Variants in PLXNA4 observed in about 807,000 individuals in gnomAD.
PLXNA4 encodes plexin-A4.
PLXNA4 carries 44 observed loss-of-function variants against 191.8 expected under a neutral mutation model. That is an observed-to-expected ratio of 0.23 (90% CI 0.18 to 0.29). PLXNA4 has a LOEUF of 0.29. PLXNA4 is among the 10% of genes least tolerant of loss of function. The pLI is 1.00. For synonymous variants in PLXNA4, 1,082 were observed against 1,009.5 expected, an observed-to-expected ratio of 1.07 and a Z score of -1.36; for missense variants, 1,800 against 2,488.8, an observed-to-expected ratio of 0.72 and a Z score of 5.89.
intron 3 of PLXNA4, among the ~76,000 whole-genome samples, chr7:132,362,114 C>T (rs1327614721): frequency 6.6e-6 from 1 of 152,146 alleles, no homozygotes; most frequent in Non-Finnish European, 1.5e-5. Flanking sequence ...CCTCTCCCCT[C>T]CCCTGGGCCC....
At chr7:132,211,254 C>T in intron 9 of PLXNA4, 111 bp from the exon 10 acceptor site, 1 of 1,171,582 alleles carries the variant, frequency 8.5e-7, no homozygotes, top group Admixed American at 2.2e-5. Context: ...TGGACACACC[C>T]ACAGGCGACC....
chr7:132,464,534 C>A (rs141852908), intron 3 of PLXNA4, among the ~76,000 whole-genome samples: 3 of 152,020 alleles, frequency 2.0e-5, no homozygotes, highest in Non-Finnish European at 2.9e-5. Flanking sequence ...GGGTGTGCAT[C>A]GAAATACAGT....
chr7:132,508,834 C>G lies in PLXNA4; in HGVS notation c.-86-55G>C, dbSNP rs796883448. 1 of 1,398,502 alleles carries G rather than the reference C, an allele frequency of 7.2e-7. No homozygotes were observed. The highest frequency in any genetic ancestry group is 9.4e-7 in the Non-Finnish European group (1 of 1,067,580). 86.6% of individuals were successfully genotyped at this position (1,398,502 alleles called of 1,614,324 possible). A position where few individuals can be genotyped will look rare whatever the true frequency, so the allele number is the denominator to read the frequency against. On this transcript the variant is annotated intron_variant, in intron 1 of 31. Coordinates refer to ENST00000321063, the MANE Select transcript of PLXNA4 (RefSeq NM_020911.2). The surrounding 1 kb of genome is among the most constrained non-coding windows in gnomAD (Gnocchi z 4.4). ...AACAATGCCAGTGGCTTCATTTCAC[C>G]CCACAGCTTGTCTGCCTGGACTTTC...
intron 5 of PLXNA4, among the ~76,000 whole-genome samples, chr7:132,234,152 G>A (rs901060016): frequency 5.9e-5 from 9 of 152,148 alleles, no homozygotes; most frequent in African/African-American, 2.2e-4. Context: ...CATCGCCACA[G>A]GTGAATCCAT....
chr7:132,412,290 T>A (rs1466700697), intron 3 of PLXNA4, among the ~76,000 whole-genome samples: 1 of 152,246 alleles, frequency 6.6e-6, no homozygotes, highest in Non-Finnish European at 1.5e-5. Context: ...ATCTGTTGAA[T>A]GAATGAATGA....
At chr7:132,402,558 C>A (rs1794035458) in intron 3 of PLXNA4, among the ~76,000 whole-genome samples, 1 of 152,158 alleles carries the variant, frequency 6.6e-6, no homozygotes, top group Non-Finnish European at 1.5e-5. Flanking sequence ...ATGGGAGGGG[C>A]AGCTGGCTAA....
At chr7:132,534,844 T>G (rs1799767762) in intron 1 of PLXNA4, among the ~76,000 whole-genome samples, 1 of 152,232 alleles carries the variant, frequency 6.6e-6, no homozygotes, top group African/African-American at 2.4e-5. Flanking sequence ...GGCACCATGA[T>G]GCTGAGGCTG....
At chr7:132,555,655 A>G (rs1800772112) in intron 1 of PLXNA4, among the ~76,000 whole-genome samples, 1 of 152,262 alleles carries the variant, frequency 6.6e-6, no homozygotes, top group African/African-American at 2.4e-5. Flanking sequence ...CAGAGAAGAC[A>G]GGTAACATGC....
chr7:132,290,063 GTCCGCA>G (rs1563015066), intron 4 of PLXNA4, among the ~76,000 whole-genome samples: 1 of 152,144 alleles, frequency 6.6e-6, no homozygotes, highest in Admixed American at 6.5e-5. Context: ...CCCCACAGGC[GTCCGCA>G]TCCTGCTTTA....
At chr7:132,588,766 G>T (rs562066429) in intron 2 of PLXNA4, among the ~76,000 whole-genome samples, 11 of 140,268 alleles carry the variant, frequency 7.8e-5, no homozygotes. Context: ...GAGAGAAAAA[G>T]AAAGAAAGAG....
chr7:132,555,777 G>A (rs972776877), intron 1 of PLXNA4, among the ~76,000 whole-genome samples: 1 of 152,224 alleles, frequency 6.6e-6, no homozygotes, highest in Non-Finnish European at 1.5e-5. Context: ...CTTACCCAAG[G>A]ATGGTTAGTC....
chr7:132,595,259 T>C (rs911037492), intron 2 of PLXNA4, among the ~76,000 whole-genome samples: 2 of 152,136 alleles, frequency 1.3e-5, no homozygotes, highest in African/African-American at 4.8e-5. Context: ...GAGATGTATA[T>C]GATGCCCTTG....
At chr7:132,367,623 T>G (rs1804243591) in intron 3 of PLXNA4, 1 of 152,048 alleles carries the variant, frequency 6.6e-6, no homozygotes, top group Non-Finnish European at 1.5e-5. Context: ...AAACCAATAA[T>G]AAGTCCCCCT....
At chr7:132,270,265 G>A (rs528146954) in intron 4 of PLXNA4, among the ~76,000 whole-genome samples, 45 of 152,194 alleles carry the variant, frequency 3.0e-4, no homozygotes, top group Middle Eastern at 3.4e-3. Flanking sequence ...TATATATACC[G>A]CGGGAATAGT....
At chr7:132,625,164 C>T (rs974162344) in intron 2 of PLXNA4, among the ~76,000 whole-genome samples, 5 of 152,100 alleles carry the variant, frequency 3.3e-5, no homozygotes, top group Admixed American at 2.0e-4. Context: ...CTAAACCCTC[C>T]GACGGGGTAC....
chr7:132,452,639 T>G (rs1384850819), intron 3 of PLXNA4, among the ~76,000 whole-genome samples: 1 of 152,146 alleles, frequency 6.6e-6, no homozygotes, highest in East Asian at 1.9e-4. Flanking sequence ...CCCTCTCGCT[T>G]CTGTGGGGAG....
At chr7:132,528,436 C>A (rs796160180) in intron 1 of PLXNA4, among the ~76,000 whole-genome samples, 12 of 152,312 alleles carry the variant, frequency 7.9e-5, no homozygotes, top group African/African-American at 2.9e-4. Flanking sequence ...CAGAAGCAGG[C>A]AGCCATGATT....
chr7:132,243,104 CAT>C (rs1220189089), intron 4 of PLXNA4, among the ~76,000 whole-genome samples: 8 of 152,056 alleles, frequency 5.3e-5, no homozygotes, highest in Admixed American at 1.3e-4. Flanking sequence ...ATGTATGTCT[CAT>C]ATTAAAAATA....
chr7:132,150,951 C>T (rs143899828), intron 25 of PLXNA4, among the ~76,000 whole-genome samples: 4 of 152,328 alleles, frequency 2.6e-5, no homozygotes, highest in African/African-American at 9.6e-5. Flanking sequence ...GTCCACCTAC[C>T]TCCATGCCCC....
Sources: gnomAD v4.1 joint callset for allele counts (sites outside exome capture counted in the v4.1 genomes callset) on GRCh38, gnomAD v4.1.1 for gene constraint, Gnocchi (gnomAD v3.1) non-coding constraint, MANE v1.5 for transcripts, NCBI Gene and HGNC (gene_info 2026-07-23, HGNC 2026-07-21) for gene names.